The following MTUS2 variants were observed in gnomAD, a reference collection of about 807,000 sequenced individuals.
The protein encoded by MTUS2 is microtubule associated scaffold protein 2.
MTUS2 carries 40 observed loss-of-function variants against 114.1 expected under a neutral mutation model. That is an observed-to-expected ratio of 0.35 (90% confidence interval 0.27 to 0.46). The LOEUF is 0.46. Ranked by LOEUF, MTUS2 falls within the 20% of genes least tolerant of loss-of-function variation. The pLI, the probability that MTUS2 is intolerant of heterozygous loss-of-function variation, is 1.00. For synonymous variants in MTUS2, 688 were observed against 672.0 expected, an observed-to-expected ratio of 1.02 and a Z score of -0.37; for missense variants, 1,679 against 1,705.4, an observed-to-expected ratio of 0.98 and a Z score of 0.27.
chr13:29,120,237 A>C (rs956435191), intron 5 of MTUS2, among the ~76,000 whole-genome samples: 1 of 151,410 alleles, frequency 6.6e-6, no homozygotes, highest in African/African-American at 2.5e-5. Flanking sequence ...TATTTAAAAA[A>C]GAAACCTTAA....
chr13:29,206,813 T>G (rs556671224), intron 5 of MTUS2, among the ~76,000 whole-genome samples: 1 of 152,302 alleles, frequency 6.6e-6, no homozygotes, highest in African/African-American at 2.4e-5. Flanking sequence ...GACTGTATCC[T>G]TATAGTATAG....
intron 7 of MTUS2, among the ~76,000 whole-genome samples, chr13:29,344,342 G>T (rs751395356): frequency 6.6e-6 from 1 of 152,068 alleles, no homozygotes. Flanking sequence ...AGTGTTAGGT[G>T]TATATACATT....
chr13:29,490,717 T>A (rs1882000775), intron 11 of MTUS2, among the ~76,000 whole-genome samples: 1 of 152,258 alleles, frequency 6.6e-6, no homozygotes, highest in South Asian at 2.1e-4. Context: ...GCCAAGAGGC[T>A]ACCAAGGTGT....
chr13:29,462,981 G>A (rs992715083), intron 9 of MTUS2, among the ~76,000 whole-genome samples: 1 of 152,170 alleles, frequency 6.6e-6, no homozygotes, highest in Admixed American at 6.5e-5. Context: ...AGGATCTTGA[G>A]ATGGGGAGAG....
Position 29,428,806 on chromosome 13 carries a change from G to GA in MTUS2, c.3118-11175dup, listed in dbSNP as rs778614822. 3.1e-6 allele frequency: 5 copies of GA among 1,613,532 alleles called. No individual in the cohort carries two copies. The East Asian group carries it at 1.1e-4, about 36-fold the overall frequency. On this transcript the variant is annotated intron_variant, in intron 8 of 15. Coordinates refer to ENST00000612955, the MANE Select transcript of MTUS2 (RefSeq NM_001033602.4). ...CTTAGGAGTTGCCCGCTGACACCTT[G>GA]AATGAAGGAGGTCCCCTTGCCAGCC... is the stretch of plus-strand genomic sequence containing the variant.
At chr13:29,390,852 G>C (rs2138436079) in intron 8 of MTUS2, among the ~76,000 whole-genome samples, 1 of 151,668 alleles carries the variant, frequency 6.6e-6, no homozygotes, top group East Asian at 2.0e-4. Context: ...GCACGACCTT[G>C]GCTCACTGCA....
chr13:29,492,012 TGTGTGGTAG>T (rs1882166329), intron 11 of MTUS2, among the ~76,000 whole-genome samples: 2 of 68,146 alleles, frequency 2.9e-5, no homozygotes, highest in South Asian at 1.4e-3. Context: ...TATGTGAATG[TGTGTGGTAG>T]GTGTGTGTGT....
chr13:29,025,730 G>A lies in MTUS2; in HGVS notation c.1032G>A (p.Glu344=). The change falls in exon 3 of 16, where the codon GAG becomes GAA. Residue 344 remains glutamate, a synonymous_variant. Coordinates refer to ENST00000612955, the MANE Select transcript of MTUS2 (RefSeq NM_001033602.4). Reference sequence around the variant, plus strand: ...AGGAAGAGAATCTGTCAGCCTTGGAGGGAAGGGATCCATGTGGGGAAGCAC... The same window carrying A: ...AGGAAGAGAATCTGTCAGCCTTGGAAGGAAGGGATCCATGTGGGGAAGCAC... ...CHKEENLSAL[E]GRDPCGEAHP... 1 of 1,614,020 alleles carries A rather than the reference G, an allele frequency of 6.2e-7. No homozygotes were observed. The highest frequency in any genetic ancestry group is 8.5e-7 in the Non-Finnish European group (1 of 1,179,896).
intron 2 of MTUS2, among the ~76,000 whole-genome samples, chr13:28,913,762 G>A (rs894087566): frequency 2.0e-5 from 3 of 151,786 alleles, no homozygotes; most frequent in Non-Finnish European, 4.4e-5. Context: ...TTTTTTGGTT[G>A]GTAGGCTATT....
intron 8 of MTUS2, among the ~76,000 whole-genome samples, chr13:29,425,391 G>C (rs905039268): frequency 6.6e-6 from 1 of 152,042 alleles, no homozygotes; most frequent in Admixed American, 6.6e-5. Flanking sequence ...GGGTGACAGA[G>C]TGAGACTCTG....
intron 9 of MTUS2, among the ~76,000 whole-genome samples, chr13:29,471,745 C>CA (rs1566220261): frequency 6.8e-6 from 1 of 146,610 alleles, no homozygotes; most frequent in Non-Finnish European, 1.5e-5. Flanking sequence ...AGGCCCAGCC[C>CA]CCCCCGACAC....
chr13:29,068,057 T>C (rs2046482119), intron 4 of MTUS2, among the ~76,000 whole-genome samples: 1 of 152,180 alleles, frequency 6.6e-6, no homozygotes, highest in Middle Eastern at 3.2e-3. Context: ...AATGGGAAAA[T>C]ATCCCCATAA....
intron 5 of MTUS2, among the ~76,000 whole-genome samples, chr13:29,253,340 C>T (rs7336846): frequency 0.072 from 10,953 of 151,774 alleles, 727 homozygotes; most frequent in East Asian, 0.27. Flanking sequence ...ACAGGAGAAT[C>T]GTTTGAACCC....
intron 4 of MTUS2, among the ~76,000 whole-genome samples, chr13:29,051,670 CA>C (rs1206004383): frequency 2.4e-4 from 36 of 152,076 alleles, no homozygotes; most frequent in African/African-American, 8.7e-4. Context: ...CTCAAAGAAG[CA>C]AAAAATGGTC....
intron 9 of MTUS2, among the ~76,000 whole-genome samples, chr13:29,472,127 C>A (rs529271991): frequency 1.3e-5 from 2 of 152,240 alleles, no homozygotes; most frequent in East Asian, 1.9e-4. Context: ...CGAGTTCAAG[C>A]GATTCTCCTG....
intron 2 of MTUS2, among the ~76,000 whole-genome samples, chr13:28,873,275 G>A (rs1877731484): frequency 6.6e-6 from 1 of 152,114 alleles, no homozygotes; most frequent in Admixed American, 6.5e-5. Context: ...AGTGTTTGAG[G>A]CACATTCTGT....
chr13:29,379,551 G>T (rs1003898551), intron 8 of MTUS2, among the ~76,000 whole-genome samples: 2 of 152,152 alleles, frequency 1.3e-5, no homozygotes, highest in African/African-American at 4.8e-5. Flanking sequence ...AACTCCTCTG[G>T]GTCCCTCCAG....
intron 5 of MTUS2, among the ~76,000 whole-genome samples, chr13:29,154,942 C>G (rs2139052458): frequency 6.6e-6 from 1 of 152,304 alleles, no homozygotes; most frequent in Non-Finnish European, 1.5e-5. Context: ...GTAACATTGT[C>G]CCTTTTAACA....
Position 29,440,960 on chromosome 13 carries a change from A to G in MTUS2, c.3184+911A>G, listed in dbSNP as rs767958114. Among the ~76,000 whole-genome samples, 45 of 151,562 alleles carry G rather than the reference A, an allele frequency of 3.0e-4. 1 individual carries two copies. The highest frequency in any genetic ancestry group is 7.4e-5 in the Non-Finnish European group (5 of 67,834). On this transcript the variant is annotated intron_variant, in intron 9 of 15. Coordinates refer to ENST00000612955, the MANE Select transcript of MTUS2 (RefSeq NM_001033602.4). ...TGAGATCCAAGCATAGCTTTCCCCA[A>G]CCCTTTGTATTCCTCTCTCCCTTTG...
Sources: allele counts gnomAD v4.1 joint callset (sites outside exome capture counted in the v4.1 genomes callset), GRCh38; gene constraint gnomAD v4.1.1; transcripts MANE v1.5; gene names NCBI Gene and HGNC (gene_info 2026-07-23, HGNC 2026-07-21).